The following MET variants were observed in gnomAD, a reference collection of about 807,000 sequenced individuals.
The protein encoded by MET is MET proto-oncogene, receptor tyrosine kinase.
MET carries 48 observed loss-of-function variants against 133.1 expected under a neutral mutation model. That is an observed-to-expected ratio of 0.36 (90% CI 0.29 to 0.46). The LOEUF is 0.46. MET is among the 20% of genes least tolerant of loss of function. The pLI, the probability that MET is intolerant of heterozygous loss-of-function variation, is 1.00. For synonymous variants in MET, 628 were observed against 616.5 expected (o/e 1.02, Z -0.28); for missense variants, 1,442 against 1,695.9 (o/e 0.85, Z 2.63).
At chr7:116,736,860 A>G (rs1192473941) in intron 3 of MET, among the ~76,000 whole-genome samples, 1 of 152,240 alleles carries the variant, frequency 6.6e-6, no homozygotes, top group African/African-American at 2.4e-5. Flanking sequence ...GTTATTTATC[A>G]TAAGAATTAC....
intron 2 of MET, among the ~76,000 whole-genome samples, chr7:116,721,435 C>A (rs1792481031): frequency 6.6e-6 from 1 of 152,102 alleles, no homozygotes; most frequent in Admixed American, 6.6e-5. Flanking sequence ...TTCAAAAAAC[C>A]AGCTCCTGGA....
rs2116600346 is a variant in MET at position 116,699,974 on chromosome 7, A to G, written c.890A>G (p.Glu297Gly). Residue 297 changes from glutamate to glycine, a missense_variant, in exon 2 of 21, where the codon GAG becomes GGG. By Grantham distance (98) the Glu-to-Gly change is moderately conservative. Coordinates refer to ENST00000397752, the MANE Select transcript of MET (RefSeq NM_000245.4). ...GLHSYMEMPL[E>G]CILTEKRKKR... ...CATTCCTACATGGAAATGCCTCTGG[A>G]GTGTATTCTCACAGAAAAGAGAAAA... is the stretch of plus-strand genomic sequence containing the variant. The G allele has an allele frequency of 1.9e-6, 3 of 1,614,046 alleles. No individual in the cohort carries two copies. Among genetic ancestry groups the G allele is most frequent in the Non-Finnish European group, 1.7e-6 (2 of 1,179,976 alleles).
intron 6 of MET, 125 bp downstream of exon 6, chr7:116,755,640 C>A: frequency 8.5e-7 from 1 of 1,181,982 alleles, no homozygotes; most frequent in Non-Finnish European, 1.2e-6. Context: ...TGGCCTGTCA[C>A]ATGCCTTGTG....
intron 3 of MET, among the ~76,000 whole-genome samples, chr7:116,736,589 G>A (rs1793219965): frequency 6.6e-6 from 1 of 152,088 alleles, no homozygotes; most frequent in South Asian, 2.1e-4. Flanking sequence ...TTACAGATTT[G>A]GGGGCCTAGC....
chr7:116,754,899 GAA>G (rs1794073830), intron 5 of MET, among the ~76,000 whole-genome samples: 1 of 55,964 alleles, frequency 1.8e-5, no homozygotes, highest in East Asian at 6.6e-4. Context: ...AAGAGAGAAA[GAA>G]AGAAAGAAAG....
chr7:116,681,698 C>CCTCA (rs1158541592), intron 1 of MET, among the ~76,000 whole-genome samples: 1 of 152,136 alleles, frequency 6.6e-6, no homozygotes. Context: ...CTGATTCTGC[C>CCTCA]CTCACTTCAG....
intron 19 of MET, among the ~76,000 whole-genome samples, chr7:116,786,854 A>T (rs1391715912): frequency 6.6e-6 from 1 of 152,216 alleles, no homozygotes; most frequent in Non-Finnish European, 1.5e-5. Flanking sequence ...TGGGTCAGAG[A>T]TCTGAGTGTG....
chr7:116,692,006 A>G (rs1796796000), intron 1 of MET, among the ~76,000 whole-genome samples: 1 of 152,216 alleles, frequency 6.6e-6, no homozygotes, highest in South Asian at 2.1e-4. Context: ...TGGGAAGGTA[A>G]AAAGAGGTAT....
At chr7:116,757,831 A>AGC in intron 8 of MET, 57 bp downstream of exon 8, 1 of 1,564,612 alleles carries the variant, frequency 6.4e-7, no homozygotes, top group Non-Finnish European at 8.8e-7. Context: ...TCTGTACCTT[A>AGC]AAAATTAAGC....
At chr7:116,762,108 A>T (rs1182813340) in intron 10 of MET, among the ~76,000 whole-genome samples, 1 of 152,236 alleles carries the variant, frequency 6.6e-6, no homozygotes, top group African/African-American at 2.4e-5. Flanking sequence ...AAAATTCCAT[A>T]AATCAGAATT....
chr7:116,720,702 T>G (rs1485666145), intron 2 of MET, among the ~76,000 whole-genome samples: 1 of 140,568 alleles, frequency 7.1e-6, no homozygotes. Flanking sequence ...TGAAGGGTTG[T>G]TGAATTTTGT....
intron 19 of MET, among the ~76,000 whole-genome samples, chr7:116,790,685 C>G (rs1324148232): frequency 1.3e-5 from 2 of 152,152 alleles, no homozygotes; most frequent in East Asian, 1.9e-4. Context: ...GGGGACCTCT[C>G]TACTGTTTTC....
intron 1 of MET, among the ~76,000 whole-genome samples, chr7:116,680,543 G>A (rs545901249): frequency 5.1e-4 from 77 of 152,182 alleles, no homozygotes; most frequent in African/African-American, 1.4e-3. Flanking sequence ...AAAGGTGGGC[G>A]GGATATGCTG....
chr7:116,792,403 C>T (rs1215504173), intron 19 of MET, among the ~76,000 whole-genome samples: 1 of 151,236 alleles, frequency 6.6e-6, no homozygotes, highest in Non-Finnish European at 1.5e-5. Context: ...TTTCCTAATG[C>T]ACATGAATTG....
intron 2 of MET, chr7:116,724,649 T>C: frequency 2.2e-6 from 1 of 448,830 alleles, no homozygotes; most frequent in Non-Finnish European, 4.4e-6. Flanking sequence ...GACAGCAGAC[T>C]GATAACAGTT....
chr7:116,789,988 T>G (rs1002211935), intron 19 of MET, among the ~76,000 whole-genome samples: 1 of 152,138 alleles, frequency 6.6e-6, no homozygotes, highest in African/African-American at 2.4e-5. Context: ...CCAGTGTGTG[T>G]TGTTCCCTTC....
intron 5 of MET, among the ~76,000 whole-genome samples, chr7:116,745,992 C>A (rs1288461236): frequency 6.6e-6 from 1 of 152,132 alleles, no homozygotes; most frequent in African/African-American, 2.4e-5. Flanking sequence ...AGTGAACAGG[C>A]AACCTACAGA....
chr7:116,745,350 C>G (rs1243812465), intron 5 of MET, among the ~76,000 whole-genome samples: 4 of 152,258 alleles, frequency 2.6e-5, no homozygotes, highest in African/African-American at 9.6e-5. Flanking sequence ...AATGGCCATA[C>G]TGCCCAAGGT....
At position 116,690,844 on chromosome 7, in the gene MET, C is replaced by T. The variant is rs117062893; in HGVS notation, c.-14-8227C>T. Among the ~76,000 whole-genome samples, 19 of 152,202 alleles carry T rather than the reference C, an allele frequency of 1.2e-4. No individual in the cohort carries two copies. The East Asian group carries it at 3.7e-3, about 29-fold the overall frequency. ...AAGTACGTGGCATGCAATGGGTGCT[C>T]CCAAATACTTGATTAATATCATATG... is the stretch of plus-strand genomic sequence containing the variant. On this transcript the variant is annotated intron_variant, in intron 1 of 20. Coordinates refer to ENST00000397752, the MANE Select transcript of MET (RefSeq NM_000245.4).
Sources: gnomAD v4.1 joint callset for allele counts (sites outside exome capture counted in the v4.1 genomes callset) on GRCh38, gnomAD v4.1.1 for gene constraint, MANE v1.5 for transcripts, NCBI Gene and HGNC (gene_info 2026-07-23, HGNC 2026-07-21) for gene names.